The following PRH1 variants were observed in gnomAD, a reference collection of about 807,000 sequenced individuals.
The protein encoded by PRH1 is salivary acidic proline-rich phosphoprotein 1/2.
PRH1 carries 7 observed loss-of-function variants against 7.9 expected under a neutral mutation model. That is an observed-to-expected ratio of 0.89 (90% CI 0.50 to 1.67). The LOEUF (loss-of-function observed/expected upper bound fraction) is 1.67. PRH1 is among the 40% of genes most tolerant of loss of function. The pLI is 0.00. For missense variants in PRH1, 109 were observed against 223.6 expected (o/e 0.49, Z 3.27); for synonymous variants, 45 against 80.8 (o/e 0.56, Z 2.38).
intron 1 of PRH1, among the ~76,000 whole-genome samples, chr12:11,028,026 A>G (rs1942005181): frequency 6.6e-6 from 1 of 152,196 alleles, no homozygotes; most frequent in African/African-American, 2.4e-5. Context: ...GAGTGGCGGT[A>G]CTGGACACAA....
intron 1 of PRH1, chr12:11,133,586 C>G (rs773272385): frequency 5.6e-6 from 9 of 1,614,250 alleles, no homozygotes; most frequent in Non-Finnish European, 7.6e-6. Flanking sequence ...GACCTTGGTG[C>G]TGGGATCTTG....
intron 1 of PRH1, among the ~76,000 whole-genome samples, chr12:10,980,273 T>C (rs1208013748): frequency 6.6e-6 from 1 of 152,104 alleles, no homozygotes; most frequent in Admixed American, 6.6e-5. Context: ...ATGCAAGAAA[T>C]AAAAAATGGG....
chr12:11,087,453 AG>A lies in PRH1; in HGVS notation n.124-40266del, dbSNP rs1163930617. Among the ~76,000 whole-genome samples, 82 of 116,682 alleles carry A rather than the reference AG, an allele frequency of 7.0e-4. 18 individuals are homozygous for A. The highest frequency in any genetic ancestry group is 2.2e-3 in the African/African-American group (78 of 34,846). The allele number at this position is 116,682 out of a possible 152,430, so 76.5% of individuals were successfully genotyped here. ...AGAGCTTTGGCTCATGTCCATCCCA[AG>A]GTGGAGCTAATCAGTTTGTAGTTAT... is the stretch of plus-strand genomic sequence containing the variant. On this transcript the variant is annotated intron_variant and non_coding_transcript_variant, in intron 1 of 4. Transcript: ENST00000541977.
chr12:11,138,336 TACTCA>T (rs1393600650), intron 1 of PRH1, among the ~76,000 whole-genome samples: 7 of 152,160 alleles, frequency 4.6e-5, no homozygotes, highest in African/African-American at 1.7e-4. Context: ...TGCACAAACA[TACTCA>T]AAGATCATGC....
chr12:11,171,457 C>T, exon 1 of PRH1: 1 of 1,232,256 alleles, frequency 8.1e-7, no homozygotes, highest in East Asian at 3.2e-5. Context: ...CTCTCCCGCA[C>T]CCTGCTCGCC....
At chr12:11,154,619 C>T (rs748226606) in intron 1 of PRH1, among the ~76,000 whole-genome samples, 1 of 152,164 alleles carries the variant, frequency 6.6e-6, no homozygotes, top group African/African-American at 2.4e-5. Flanking sequence ...CAGATGAAGT[C>T]ACCCAGGGAA....
intron 2 of PRH1, among the ~76,000 whole-genome samples, chr12:10,926,757 TGGAG>T (rs1349894567): frequency 6.6e-6 from 1 of 152,184 alleles, no homozygotes; most frequent in African/African-American, 2.4e-5. Context: ...GGGTAGTGCC[TGGAG>T]GGAGTGAGGA....
chr12:11,065,682 A>G (rs1159142214), intron 1 of PRH1, among the ~76,000 whole-genome samples: 1 of 152,062 alleles, frequency 6.6e-6, no homozygotes, highest in Admixed American at 6.5e-5. Context: ...GAGAAACTAA[A>G]CAAAGTATTT....
intron 1 of PRH1, among the ~76,000 whole-genome samples, chr12:11,122,952 C>T (rs1333162978): frequency 6.6e-6 from 1 of 152,206 alleles, no homozygotes; most frequent in East Asian, 1.9e-4. Flanking sequence ...CACCTTTCTT[C>T]ACACCTCTTA....
intron 1 of PRH1, among the ~76,000 whole-genome samples, chr12:11,041,649 C>A (rs1942714785): frequency 6.6e-6 from 1 of 152,192 alleles, no homozygotes; most frequent in African/African-American, 2.4e-5. Flanking sequence ...ACTTACGTAA[C>A]ATTTCACCCA....
intron 1 of PRH1, among the ~76,000 whole-genome samples, chr12:11,102,105 G>A (rs568157305): frequency 2.6e-5 from 4 of 152,198 alleles, no homozygotes; most frequent in African/African-American, 9.6e-5. Context: ...TCATGAAAAT[G>A]GCCATACTTC....
At chr12:10,922,185 T>A (rs932017753) in intron 2 of PRH1, among the ~76,000 whole-genome samples, 1 of 152,216 alleles carries the variant, frequency 6.6e-6, no homozygotes, top group Admixed American at 6.5e-5. Flanking sequence ...AAGCGCAAGG[T>A]ACATATTAGC....
Position 11,009,027 on chromosome 12 carries a change from A to G in PRH1, c.-125-35306T>C, listed in dbSNP as rs1565545001. 3.0e-5 allele frequency among the ~76,000 whole-genome samples: 4 copies of G among 132,716 alleles called. 1 individual carries two copies. In the South Asian group the frequency reaches 1.1e-3, roughly 36 times the overall value. The allele number at this position is 132,716 out of a possible 152,430, so 87.1% of individuals were successfully genotyped here. On this transcript the variant is annotated intron_variant, in intron 1 of 3. Transcript: ENST00000539853. ...TCTTATCAATTACACCTTTAGTCCA[A>G]CAAGAAGATACTATTATTTTAGATG...
At chr12:11,073,606 C>A (rs534556997) in intron 1 of PRH1, among the ~76,000 whole-genome samples, 2 of 152,004 alleles carry the variant, frequency 1.3e-5, no homozygotes, top group East Asian at 3.9e-4. Flanking sequence ...GTTCAGTTAA[C>A]CTACCTAGCC....
At chr12:10,891,098 A>T (rs1474153234) in intron 2 of PRH1, among the ~76,000 whole-genome samples, 1 of 152,180 alleles carries the variant, frequency 6.6e-6, no homozygotes, top group Non-Finnish European at 1.5e-5. Context: ...GGAAGATCTC[A>T]GGCCCAGCCC....
At chr12:11,068,467 G>A (rs1256007237) in intron 1 of PRH1, among the ~76,000 whole-genome samples, 3 of 152,060 alleles carry the variant, frequency 2.0e-5, no homozygotes, top group Non-Finnish European at 4.4e-5. Context: ...CATTAATTTT[G>A]ATCACTGTAT....
chr12:10,996,753 TACAC>T (rs1190333069), intron 1 of PRH1: 20 of 387,260 alleles, frequency 5.2e-5, no homozygotes, highest in African/African-American at 1.0e-4. Context: ...CATTCAGACA[TACAC>T]ACACACGCAA....
At chr12:10,929,603 G>T (rs961053222) in intron 2 of PRH1, among the ~76,000 whole-genome samples, 2 of 152,132 alleles carry the variant, frequency 1.3e-5, no homozygotes, top group Admixed American at 6.5e-5. Context: ...GGGACTGCTG[G>T]GAAGGATATG....
intron 1 of PRH1, among the ~76,000 whole-genome samples, chr12:11,053,734 A>G (rs1291849322): frequency 6.6e-6 from 1 of 152,282 alleles, no homozygotes; most frequent in Non-Finnish European, 1.5e-5. Context: ...ATGTTACTAA[A>G]TAATTGTGAT....
Sources: allele counts gnomAD v4.1 joint callset (sites outside exome capture counted in the v4.1 genomes callset), GRCh38; gene constraint gnomAD v4.1.1; transcripts MANE v1.5; gene names NCBI Gene and HGNC (gene_info 2026-07-23, HGNC 2026-07-21).